The following DTNA variants were observed in gnomAD, a reference collection of about 807,000 sequenced individuals.
DTNA encodes the protein dystrophin-related protein 3.
DTNA carries 43 observed loss-of-function variants against 100.7 expected under a neutral mutation model. The observed-to-expected ratio is 0.43, with a 90% CI of 0.33 to 0.55. The LOEUF (loss-of-function observed/expected upper bound fraction) is 0.55, where lower values mean the gene tolerates loss of function less well. DTNA is among the 20% of genes least tolerant of loss of function. DTNA has a pLI of 0.04. For synonymous variants in DTNA, 349 were observed against 347.9 expected, an observed-to-expected ratio of 1.00 and a Z score of -0.04; for missense variants, 798 against 953.9, an observed-to-expected ratio of 0.84 and a Z score of 2.15.
chr18:34,769,084 G>A (rs2093633095), intron 3 of DTNA, among the ~76,000 whole-genome samples: 1 of 152,096 alleles, frequency 6.6e-6, no homozygotes, highest in Admixed American at 6.5e-5. Flanking sequence ...ATTAGACAAA[G>A]TTAAGGCCCA....
intron 1 of DTNA, among the ~76,000 whole-genome samples, chr18:34,641,729 G>A (rs905908277): frequency 8.5e-5 from 13 of 152,108 alleles, no homozygotes; most frequent in Admixed American, 2.6e-4. Flanking sequence ...ACAGAGCTGG[G>A]GAATTCTCCA....
chr18:34,811,815 C>A, intron 5 of DTNA, 144 bp from the exon 6 acceptor site: 1 of 935,516 alleles, frequency 1.1e-6, no homozygotes, highest in Non-Finnish European at 1.6e-6. Flanking sequence ...AGGAATATTT[C>A]AGCATAAAAA....
At chr18:34,853,496 C>A (rs1046590678) in intron 15 of DTNA, among the ~76,000 whole-genome samples, 2 of 152,030 alleles carry the variant, frequency 1.3e-5, no homozygotes, top group African/African-American at 4.8e-5. Flanking sequence ...GTAAGGAAAG[C>A]TTTTGGCTTA....
At chr18:34,742,656 A>AATAGATT (rs2090901899) in intron 1 of DTNA, among the ~76,000 whole-genome samples, 1 of 152,102 alleles carries the variant, frequency 6.6e-6, no homozygotes, top group Admixed American at 6.5e-5. Context: ...ATAGATAGAT[A>AATAGATT]ATCTATTATC....
At chr18:34,850,884 C>G (rs1178358263) in intron 14 of DTNA, among the ~76,000 whole-genome samples, 2 of 152,062 alleles carry the variant, frequency 1.3e-5, no homozygotes, top group Non-Finnish European at 2.9e-5. Flanking sequence ...ATGGAGAAAG[C>G]TGTGACTGCA....
chr18:34,810,255 C>T (rs539408977), intron 5 of DTNA, among the ~76,000 whole-genome samples: 7 of 152,054 alleles, frequency 4.6e-5, no homozygotes, highest in Non-Finnish European at 7.4e-5. Flanking sequence ...TCTACGCCTA[C>T]CCATAGACTT....
At chr18:34,732,457 T>C (rs16965819) in intron 1 of DTNA, among the ~76,000 whole-genome samples, 5,663 of 152,230 alleles carry the variant, frequency 0.037, 336 homozygotes, top group African/African-American at 0.13. Context: ...TTTACTTATC[T>C]AAAATGAGAA....
intron 1 of DTNA, among the ~76,000 whole-genome samples, chr18:34,688,428 T>A (rs1304188500): frequency 1.3e-5 from 2 of 152,238 alleles, no homozygotes; most frequent in African/African-American, 4.8e-5. Context: ...TATGAAATTC[T>A]GGGTTGAAAA....
intron 1 of DTNA, among the ~76,000 whole-genome samples, chr18:34,606,682 A>T (rs1182328981): frequency 2.0e-5 from 3 of 152,176 alleles, no homozygotes; most frequent in Non-Finnish European, 4.4e-5. Context: ...GAAGAAGGTG[A>T]TGCTTATATT....
At chr18:34,604,820 T>C (rs1029840128) in intron 1 of DTNA, among the ~76,000 whole-genome samples, 2 of 152,136 alleles carry the variant, frequency 1.3e-5, no homozygotes, top group Admixed American at 1.3e-4. Flanking sequence ...AAATTATTGC[T>C]CCAGTTTCCT....
chr18:34,682,051 T>C (rs1192689933), intron 1 of DTNA, among the ~76,000 whole-genome samples: 1 of 152,142 alleles, frequency 6.6e-6, no homozygotes, highest in Non-Finnish European at 1.5e-5. Flanking sequence ...AATCATACAG[T>C]GTGTAGCCTT....
intron 1 of DTNA, among the ~76,000 whole-genome samples, chr18:34,753,628 C>T (rs969642412): frequency 7.8e-5 from 11 of 141,412 alleles, no homozygotes; most frequent in Non-Finnish European, 1.6e-4. Context: ...GTGATCCGCC[C>T]GCCTCGGCCT....
intron 4 of DTNA, among the ~76,000 whole-genome samples, chr18:34,800,168 A>G (rs544231875): frequency 4.9e-4 from 75 of 152,344 alleles, no homozygotes; most frequent in African/African-American, 1.6e-3. Context: ...CAAGTGGTAA[A>G]TCAGAAAGTT....
Position 34,775,649 on chromosome 18 carries a change from G to C in DTNA, c.148+9608G>C, listed in dbSNP as rs116349115. On this transcript the variant is annotated intron_variant, in intron 3 of 22. Coordinates refer to ENST00000444659, the MANE Select transcript of DTNA (RefSeq NM_001386795.1). ...CTCAATCACTAGATGTTGGGAGACA[G>C]CTGGCTGACAGCCAGCAAGGAATAG... is the stretch of plus-strand genomic sequence containing the variant. Among the ~76,000 whole-genome samples, 978 of 152,350 alleles carry C rather than the reference G, an allele frequency of 6.4e-3. 5 individuals are homozygous for C. Among genetic ancestry groups the C allele is most frequent in the African/African-American group, 0.023 (938 of 41,584 alleles).
intron 1 of DTNA, among the ~76,000 whole-genome samples, chr18:34,551,102 A>G (rs1365785345): frequency 1.3e-5 from 2 of 152,292 alleles, no homozygotes; most frequent in African/African-American, 2.4e-5. Flanking sequence ...TGTCATCACT[A>G]TGAATAGACT....
At chr18:34,509,997 C>T (rs931311948) in intron 1 of DTNA, among the ~76,000 whole-genome samples, 1 of 151,548 alleles carries the variant, frequency 6.6e-6, no homozygotes, top group African/African-American at 2.4e-5. Flanking sequence ...GCAAAATAAT[C>T]TAACTTCACT....
At chr18:34,876,370 CT>C (rs763343451) in intron 18 of DTNA, among the ~76,000 whole-genome samples, 2 of 152,102 alleles carry the variant, frequency 1.3e-5, no homozygotes, top group Non-Finnish European at 2.9e-5. Flanking sequence ...AGAAAACAGT[CT>C]TGAGGAAACC....
chr18:34,864,248 CTTTT>C (rs555273655), intron 17 of DTNA, among the ~76,000 whole-genome samples, 186 bp downstream of exon 17: 1 of 127,416 alleles, frequency 7.8e-6, no homozygotes. Context: ...AGAACACATT[CTTTT>C]TTTTTTTTTT....
chr18:34,630,428 A>G (rs1385550502), intron 1 of DTNA, among the ~76,000 whole-genome samples: 1 of 152,226 alleles, frequency 6.6e-6, no homozygotes, highest in Non-Finnish European at 1.5e-5. Flanking sequence ...CTCTGTAATA[A>G]TCATACATTA....
Sources: gnomAD v4.1 joint callset for allele counts (sites outside exome capture counted in the v4.1 genomes callset) on GRCh38, gnomAD v4.1.1 for gene constraint, MANE v1.5 for transcripts, NCBI Gene and HGNC (gene_info 2026-07-23, HGNC 2026-07-21) for gene names.